Variants in AGTPBP1 observed in about 807,000 individuals in gnomAD.
The protein encoded by AGTPBP1 is cytosolic carboxypeptidase 1.
In AGTPBP1, 70 loss-of-function variants were observed where a neutral mutation model predicts 143.9. That is an observed-to-expected ratio of 0.49 (90% confidence interval 0.40 to 0.59). The LOEUF (loss-of-function observed/expected upper bound fraction) is 0.59. Among genes scored for constraint, AGTPBP1 ranks in the 20% least tolerant of loss-of-function variants. AGTPBP1 has a pLI of 0.00. For missense variants in AGTPBP1, 1,229 were observed against 1,464.5 expected, an observed-to-expected ratio of 0.84 and a Z score of 2.62; for synonymous variants, 463 against 500.2, an observed-to-expected ratio of 0.93 and a Z score of 0.99.
intron 25 of AGTPBP1, among the ~76,000 whole-genome samples, chr9:85,548,918 G>A (rs1052834594): frequency 6.6e-6 from 1 of 152,012 alleles, no homozygotes; most frequent in African/African-American, 2.4e-5. Context: ...CAAGTGATCC[G>A]CCTGCCTTGG....
rs1183659985 is a variant in AGTPBP1 at position 85,737,536 on chromosome 9, C to CA, written c.-34+4238dup. Among the ~76,000 whole-genome samples, 3 of 152,298 alleles carry CA rather than the reference C, an allele frequency of 2.0e-5. No homozygotes were observed. The South Asian group carries it at 6.2e-4, about 32-fold the overall frequency. On this transcript the variant is annotated intron_variant, in intron 1 of 25. Coordinates refer to ENST00000357081, the MANE Select transcript of AGTPBP1 (RefSeq NM_001330701.2). ...TCATGTCAAGACCTAAACAGCTTCC[C>CA]AATAATTTGTCTCTAACAAAATGGG...
intron 3 of AGTPBP1, among the ~76,000 whole-genome samples, chr9:85,684,088 A>T (rs1487654521): frequency 6.6e-6 from 1 of 152,134 alleles, no homozygotes; most frequent in East Asian, 1.9e-4. Context: ...GGGAACACAA[A>T]ACTGCTCCTT....
At chr9:85,794,700 T>C in the AGTPBP1 span, among the ~76,000 whole-genome samples, 8 of 152,194 alleles carry the variant, frequency 5.3e-5, no homozygotes, top group South Asian at 2.1e-4. Flanking sequence ...GGAATTTTGA[T>C]AGGAATTGCA....
the AGTPBP1 span, among the ~76,000 whole-genome samples, chr9:85,802,388 A>C: frequency 6.6e-6 from 1 of 152,138 alleles, no homozygotes. Context: ...GGTTACTGCC[A>C]AAACTGCCTA....
chr9:85,619,862 G>A (rs1267900444), intron 15 of AGTPBP1, among the ~76,000 whole-genome samples: 1 of 152,040 alleles, frequency 6.6e-6, no homozygotes, highest in Non-Finnish European at 1.5e-5. Context: ...GAGCCTACTC[G>A]CTAATAAGAG....
intron 2 of AGTPBP1, among the ~76,000 whole-genome samples, chr9:85,698,679 C>CTTTTTTTTTTTTTTTTT (rs34248388): frequency 1.3e-5 from 1 of 76,568 alleles, no homozygotes; most frequent in African/African-American, 5.8e-5. Flanking sequence ...CCACCTAACC[C>CTTTTTTTTTTTTTTTTT]TTTTTTTTTT....
chr9:85,674,782 C>T (rs190970161), intron 6 of AGTPBP1, among the ~76,000 whole-genome samples: 11 of 152,272 alleles, frequency 7.2e-5, no homozygotes, highest in African/African-American at 2.6e-4. Flanking sequence ...GCTAGAAATA[C>T]GTATGTTAAT....
intron 1 of AGTPBP1, among the ~76,000 whole-genome samples, chr9:85,718,324 G>A (rs1408842206): frequency 6.6e-6 from 1 of 152,144 alleles, no homozygotes; most frequent in African/African-American, 2.4e-5. Flanking sequence ...ATCCTCTCCA[G>A]TATCTGTTGT....
chr9:85,751,591 G>C, the AGTPBP1 span, among the ~76,000 whole-genome samples: 1 of 152,024 alleles, frequency 6.6e-6, no homozygotes, highest in East Asian at 1.9e-4. Context: ...TAAACCCCTA[G>C]AAGGCACCAT....
chr9:85,636,719 G>A (rs768882703), intron 13 of AGTPBP1, among the ~76,000 whole-genome samples: 4 of 152,160 alleles, frequency 2.6e-5, no homozygotes, highest in South Asian at 2.1e-4. Context: ...AAAGGTCTAC[G>A]TTCAATTAGA....
At chr9:85,677,384 C>T in intron 6 of AGTPBP1, 52 bp downstream of exon 6, 1 of 1,522,014 alleles carries the variant, frequency 6.6e-7, no homozygotes, top group Non-Finnish European at 8.9e-7. Context: ...GAGAGAATCA[C>T]TGTTACAAAA....
intron 25 of AGTPBP1, among the ~76,000 whole-genome samples, chr9:85,565,748 A>G (rs1827044701): frequency 6.6e-6 from 1 of 152,090 alleles, no homozygotes; most frequent in Admixed American, 6.5e-5. Context: ...ACCTAATACT[A>G]TCTCCTCAAG....
chr9:85,566,888 T>A (rs1827139010), intron 25 of AGTPBP1, among the ~76,000 whole-genome samples: 1 of 152,200 alleles, frequency 6.6e-6, no homozygotes, highest in Admixed American at 6.5e-5. Flanking sequence ...GGCTGAGACT[T>A]CTGCCTAAAG....
At chr9:85,678,127 G>C (rs1170980847) in intron 5 of AGTPBP1, among the ~76,000 whole-genome samples, 1 of 152,184 alleles carries the variant, frequency 6.6e-6, no homozygotes, top group African/African-American at 2.4e-5. Context: ...TCAAGGCTGT[G>C]AAATACATGG....
At chr9:85,586,256 C>A (rs1828600101) in intron 22 of AGTPBP1, among the ~76,000 whole-genome samples, 1 of 151,082 alleles carries the variant, frequency 6.6e-6, no homozygotes, top group Admixed American at 6.6e-5. Flanking sequence ...CAAGAAAATG[C>A]TCCTATAAAA....
At chr9:85,752,196 C>G in the AGTPBP1 span, among the ~76,000 whole-genome samples, 3 of 151,864 alleles carry the variant, frequency 2.0e-5, no homozygotes, top group Non-Finnish European at 2.9e-5. Flanking sequence ...TGAGATTATG[C>G]TATTGCATAC....
intron 2 of AGTPBP1, among the ~76,000 whole-genome samples, chr9:85,700,875 A>G (rs1374883761): frequency 1.3e-5 from 2 of 152,176 alleles, no homozygotes; most frequent in Non-Finnish European, 2.9e-5. Flanking sequence ...AGCTTAGCCT[A>G]TGTCTAAACT....
At chr9:85,706,202 T>TA (rs1033791712) in intron 2 of AGTPBP1, among the ~76,000 whole-genome samples, 1 of 150,738 alleles carries the variant, frequency 6.6e-6, no homozygotes, top group Non-Finnish European at 1.5e-5. Context: ...AAGAAGAGAA[T>TA]AAAAAATGAG....
chr9:85,689,925 A>AAAAAAAAAAATAT (rs58719163), intron 3 of AGTPBP1, among the ~76,000 whole-genome samples: 1 of 72,514 alleles, frequency 1.4e-5, no homozygotes, highest in Non-Finnish European at 2.4e-5. Context: ...AAAAAAAAAA[A>AAAAAAAAAAATAT]ATATATATAT....
Sources: allele counts gnomAD v4.1 joint callset (sites outside exome capture counted in the v4.1 genomes callset), GRCh38; gene constraint gnomAD v4.1.1; transcripts MANE v1.5; gene names NCBI Gene and HGNC (gene_info 2026-07-23, HGNC 2026-07-21).